GULP1: variants seen among roughly 807,000 people sequenced by gnomAD.
GULP1 encodes the protein PTB domain-containing engulfment adapter protein 1.
A neutral mutation model predicts 40.9 loss-of-function variants in GULP1; 19 were observed. The observed-to-expected ratio is 0.46, with a 90% confidence interval of 0.32 to 0.68. GULP1 has a LOEUF of 0.68. Ranked by LOEUF, GULP1 falls within the 30% of genes least tolerant of loss-of-function variation. The pLI is 0.03. For missense variants in GULP1, 312 were observed against 362.2 expected (o/e 0.86, Z 1.12); for synonymous variants, 119 against 117.6 (o/e 1.01, Z -0.08).
chr2:188,590,330 A>G (rs530817847), intron 11 of GULP1: 1 of 152,294 alleles, frequency 6.6e-6, no homozygotes, highest in African/African-American at 2.4e-5. Flanking sequence ...CAAAAGTAAA[A>G]TAATATTTTC....
At chr2:188,514,531 C>T (rs2064987436) in intron 4 of GULP1, among the ~76,000 whole-genome samples, 1 of 152,158 alleles carries the variant, frequency 6.6e-6, no homozygotes, top group Admixed American at 6.5e-5. Context: ...TGCCAGACAA[C>T]ACATAACTTT....
At chr2:188,575,542 A>G (rs980804271) in intron 9 of GULP1, among the ~76,000 whole-genome samples, 3 of 152,212 alleles carry the variant, frequency 2.0e-5, no homozygotes, top group African/African-American at 7.2e-5. Context: ...GTTTAGAGAA[A>G]GTGACCAGGG....
intron 2 of GULP1, among the ~76,000 whole-genome samples, chr2:188,450,273 G>T (rs568733604): frequency 4.3e-4 from 65 of 152,146 alleles, no homozygotes; most frequent in African/African-American, 1.5e-3. Context: ...ACATTTGTTT[G>T]TTGTCTAATT....
In GULP1 at chr2:188,522,792, A is replaced by G; in HGVS notation, c.127A>G (p.Thr43Ala). 1.9e-6 allele frequency: 3 copies of G among 1,612,156 alleles called. No individual in the cohort carries two copies. The highest frequency in any genetic ancestry group is 2.5e-6 in the Non-Finnish European group (3 of 1,178,414). ...GSTEVEQPKG[T>A]EVVRDAVRKL... ...TACAGAAGTGGAACAGCCAAAAGGA[A>G]CAGAAGTTGTGAGAGATGCTGTAAG... Residue 43 changes from threonine (T) to alanine (A), a missense_variant, in exon 5 of 12, where the codon ACA becomes GCA. Transcript: ENST00000409830.
At chr2:188,358,503 A>G (rs1253939442) in intron 1 of GULP1, among the ~76,000 whole-genome samples, 2 of 152,208 alleles carry the variant, frequency 1.3e-5, no homozygotes, top group African/African-American at 4.8e-5. Context: ...AACGTTACCA[A>G]CATTAAGAGT....
intron 2 of GULP1, among the ~76,000 whole-genome samples, chr2:188,435,702 G>A (rs539977585): frequency 4.6e-5 from 7 of 152,130 alleles, no homozygotes; most frequent in African/African-American, 1.7e-4. Flanking sequence ...AGAAGAATCT[G>A]CTTCAGAGAT....
chr2:188,387,352 AACTTAT>A (rs1268321057), intron 2 of GULP1, among the ~76,000 whole-genome samples: 6 of 152,302 alleles, frequency 3.9e-5, no homozygotes, highest in Admixed American at 6.5e-5. Context: ...ATTTATTGAA[AACTTAT>A]ACTTATCAAG....
chr2:188,503,805 A>T (rs2063662182), intron 4 of GULP1, among the ~76,000 whole-genome samples: 1 of 151,928 alleles, frequency 6.6e-6, no homozygotes, highest in Non-Finnish European at 1.5e-5. Flanking sequence ...TTACCTTGTT[A>T]ATACCATATG....
intron 2 of GULP1, among the ~76,000 whole-genome samples, chr2:188,434,234 A>G (rs1329266777): frequency 2.0e-5 from 3 of 151,912 alleles, no homozygotes; most frequent in South Asian, 2.1e-4. Flanking sequence ...TTTGCTGTCA[A>G]TGATGTCAAA....
intron 2 of GULP1, among the ~76,000 whole-genome samples, chr2:188,459,857 A>G (rs983494834): frequency 7.9e-5 from 12 of 152,126 alleles, no homozygotes; most frequent in African/African-American, 2.9e-4. Flanking sequence ...ATTCTTTTGC[A>G]TATGGATGTT....
At position 188,482,009 on chromosome 2, in the gene GULP1, C is replaced by A. The variant is rs148673721; in HGVS notation, c.29-1422C>A. ...CCTTATAGAAAATACAAATTTCACA[C>A]ATTAAATGTCAACGTCAATATTTTT... On this transcript the variant is annotated intron_variant, in intron 3 of 11. Transcript: ENST00000409830. 3.5e-3 allele frequency among the ~76,000 whole-genome samples: 532 copies of A among 150,910 alleles called. 4 individuals carry two copies. The highest frequency in any genetic ancestry group is 0.012 in the African/African-American group (513 of 41,340).
intron 2 of GULP1, among the ~76,000 whole-genome samples, chr2:188,390,296 C>T (rs934413872): frequency 6.6e-6 from 1 of 151,992 alleles, no homozygotes; most frequent in Non-Finnish European, 1.5e-5. Flanking sequence ...TGTCTTTTGA[C>T]TTTTTAATAA....
At chr2:188,588,004 C>T in intron 11 of GULP1, 55 bp downstream of exon 11, 1 of 909,010 alleles carries the variant, frequency 1.1e-6, no homozygotes. Flanking sequence ...TGATATGGGA[C>T]AAAGAGAATG....
chr2:188,400,245 T>C (rs2052024061), intron 2 of GULP1, among the ~76,000 whole-genome samples: 1 of 152,178 alleles, frequency 6.6e-6, no homozygotes, highest in Admixed American at 6.5e-5. Flanking sequence ...TGTGTTTCTC[T>C]ATATTCTTTC....
At chr2:188,328,272 T>A (rs2041043948) in intron 1 of GULP1, among the ~76,000 whole-genome samples, 1 of 152,166 alleles carries the variant, frequency 6.6e-6, no homozygotes, top group African/African-American at 2.4e-5. Flanking sequence ...TTTCCATTTC[T>A]CTCTATCTTC....
At chr2:188,592,265 T>C (rs1321703497) in intron 11 of GULP1, 1 of 151,968 alleles carries the variant, frequency 6.6e-6, no homozygotes, top group African/African-American at 2.4e-5. Flanking sequence ...CATTTCCACA[T>C]GTAACTCTCT....
At chr2:188,507,236 C>T (rs1320866926) in intron 4 of GULP1, among the ~76,000 whole-genome samples, 1 of 151,826 alleles carries the variant, frequency 6.6e-6, no homozygotes, top group South Asian at 2.1e-4. Context: ...AAGAGTTAAT[C>T]ATGATTAAGT....
chr2:188,556,151 C>T (rs775632892), intron 7 of GULP1, among the ~76,000 whole-genome samples: 6 of 151,948 alleles, frequency 3.9e-5, no homozygotes, highest in Non-Finnish European at 8.8e-5. Flanking sequence ...GCTTTCTTCA[C>T]CCTTGGGAAC....
At chr2:188,484,304 G>T (rs1452346158) in intron 4 of GULP1, among the ~76,000 whole-genome samples, 2 of 152,038 alleles carry the variant, frequency 1.3e-5, no homozygotes, top group East Asian at 3.9e-4. Context: ...ATTAATCTAC[G>T]CTCTGTGTCT....
Sources: gnomAD v4.1 joint callset for allele counts (sites outside exome capture counted in the v4.1 genomes callset) on GRCh38, gnomAD v4.1.1 for gene constraint, MANE v1.5 for transcripts, NCBI Gene and HGNC (gene_info 2026-07-23, HGNC 2026-07-21) for gene names.